Variants in FRAS1 observed in about 807,000 individuals in gnomAD.
FRAS1 encodes the protein extracellular matrix organizing protein FRAS1.
A neutral mutation model predicts 435.2 loss-of-function variants in FRAS1; 290 were observed. The ratio of observed to expected loss-of-function variants is 0.67; its 90% confidence interval spans 0.61 to 0.73. The LOEUF (loss-of-function observed/expected upper bound fraction) is 0.73. Among genes scored for constraint, FRAS1 ranks in the 30% least tolerant of loss-of-function variants. The probability of loss-of-function intolerance (pLI) is 0.00; values close to 1 mark genes in which losing one functional copy is unlikely to be tolerated. For synonymous variants in FRAS1, 1,800 were observed against 1,851.0 expected (o/e 0.97, Z 0.71); for missense variants, 4,860 against 5,001.5 (o/e 0.97, Z 0.85).
In FRAS1 at chr4:78,334,913, C is replaced by T. The variant is rs538797229; in HGVS notation, c.2278+1501C>T. Among the ~76,000 whole-genome samples, 6 of 152,110 alleles carry T rather than the reference C, an allele frequency of 3.9e-5. No individual in the cohort carries two copies. In the South Asian group the frequency reaches 1.0e-3, roughly 26 times the overall value. On this transcript the variant is annotated intron_variant, in intron 19 of 73. Coordinates refer to ENST00000512123, the MANE Select transcript of FRAS1 (RefSeq NM_025074.7). ...AGCTGGAACTATAGGCATACACCAC[C>T]ATGCCCAAGTAATTTTTTTTAAATT...
intron 2 of FRAS1, among the ~76,000 whole-genome samples, chr4:78,111,617 G>T (rs978453038): frequency 9.6e-6 from 1 of 104,530 alleles, no homozygotes; most frequent in Non-Finnish European, 1.9e-5. Context: ...TCGGGGGAGG[G>T]GGGAGGGATA....
Position 78,379,722 on chromosome 4 carries a change from T to G in FRAS1, c.3293-4T>G. The G allele has an allele frequency of 6.2e-7, 1 of 1,604,614 alleles. No individual in the cohort carries two copies. Among genetic ancestry groups the G allele is most frequent in the Non-Finnish European group, 8.5e-7 (1 of 1,177,764 alleles). On this transcript the variant is annotated splice_polypyrimidine_tract_variant and splice_region_variant and intron_variant, in intron 26 of 73. Transcript: ENST00000512123. ...CTTGACCTTTGGATTCATATGTTTT[T>G]CAGGCAAAATACACACCCCTAGTCT...
intron 2 of FRAS1, among the ~76,000 whole-genome samples, chr4:78,229,291 G>A (rs952956617): frequency 3.3e-5 from 5 of 151,410 alleles, no homozygotes; most frequent in African/African-American, 4.8e-5. Flanking sequence ...ACCCAGAGGT[G>A]CCCTCTTTGT....
Position 78,357,817 on chromosome 4 carries a change from C to T in FRAS1, c.2423-5696C>T, listed in dbSNP as rs577919199. Among the ~76,000 whole-genome samples the T allele has an allele frequency of 2.3e-3, 351 of 152,228 alleles. 3 individuals are homozygous for T. The highest frequency in any genetic ancestry group is 7.7e-3 in the African/African-American group (319 of 41,526). On this transcript the variant is annotated intron_variant, in intron 20 of 73. Coordinates refer to ENST00000512123, the MANE Select transcript of FRAS1 (RefSeq NM_025074.7). ...ACTCAAGAGAATGAAGCAGGAGGATCCTGGAGCCCCGAGTTCAAGGTTTCA... is the reference window on the plus strand; with the variant it reads ...ACTCAAGAGAATGAAGCAGGAGGATTCTGGAGCCCCGAGTTCAAGGTTTCA...
Position 78,281,403 on chromosome 4 carries a change from A to G in FRAS1, c.1077A>G (p.Ser359=). ...CVYEETGEFM[S]SNASEVKRIP... is the part of the protein sequence containing the mutation. ...ACATTTCTCTTTGTTCCTAGATGTC[A>G]TCAAATGCTAGTGAAGTTAAACGTA... Residue 359 remains serine (S), a synonymous_variant, in exon 11 of 74, where the codon TCA becomes TCG. Transcript: ENST00000512123. The G allele has an allele frequency of 6.3e-7, 1 of 1,575,564 alleles. No individual in the cohort carries two copies. The highest frequency in any genetic ancestry group is 8.6e-7 in the Non-Finnish European group (1 of 1,160,766).
chr4:78,245,965 A>T (rs1725223134), intron 4 of FRAS1, among the ~76,000 whole-genome samples: 1 of 152,164 alleles, frequency 6.6e-6, no homozygotes, highest in South Asian at 2.1e-4. Context: ...GACATGGCCA[A>T]ATTTCCCTTG....
In FRAS1 at chr4:78,265,117, T is replaced by C. The variant is rs750751078; in HGVS notation, c.687+9T>C. On this transcript the variant is annotated intron_variant, in intron 7 of 73. Transcript: ENST00000512123. ...CTGGCCAAGTATACGAGGTAAGCTT[T>C]CATGCTCCCCATGTAGGTGTTTTGA... 2 of 1,599,800 alleles carry C rather than the reference T, an allele frequency of 1.3e-6. No individual in the cohort carries two copies. The highest frequency in any genetic ancestry group is 1.7e-6 in the Non-Finnish European group (2 of 1,168,966).
intron 2 of FRAS1, among the ~76,000 whole-genome samples, chr4:78,078,452 GA>G: frequency 6.6e-6 from 1 of 152,162 alleles, no homozygotes; most frequent in East Asian, 1.9e-4. Context: ...ACCTTGGTAA[GA>G]ATAAAACCAA....
intron 31 of FRAS1, among the ~76,000 whole-genome samples, chr4:78,409,649 A>G (rs1733257061): frequency 6.6e-6 from 1 of 152,230 alleles, no homozygotes; most frequent in South Asian, 2.1e-4. Context: ...TCATACAGAA[A>G]TACAAAAGAA....
intron 50 of FRAS1, among the ~76,000 whole-genome samples, chr4:78,468,485 A>ACATCAT (rs11267487): frequency 0.013 from 1,902 of 150,236 alleles, 49 homozygotes; most frequent in African/African-American, 0.043. Flanking sequence ...GAAGCTGTAA[A>ACATCAT]CATCATCATC....
Position 78,515,800 on chromosome 4 carries a change from G to A in FRAS1, c.10176G>A (p.Glu3392=), listed in dbSNP as rs767886955. Residue 3392 remains glutamate (E), a splice_region_variant and synonymous_variant, in exon 66 of 74, where the codon GAG becomes GAA. Coordinates refer to ENST00000512123, the MANE Select transcript of FRAS1 (RefSeq NM_025074.7). ...TCCTTGTTCTTCCCTCCCTGGCAGA[G>A]GCAGGGTTCCTGGATGATGTGGTCT... ...VTTYDLRGIS[E]AGFLDDVVYD... The A allele has an allele frequency of 5.6e-6, 9 of 1,613,452 alleles. No homozygotes were observed. In the Admixed American group the frequency reaches 6.7e-5, roughly 12 times the overall value.
chr4:78,511,408 C>A lies in FRAS1; in HGVS notation c.9915C>A (p.His3305Gln), dbSNP rs766022743. 3.1e-6 allele frequency: 5 copies of A among 1,613,960 alleles called. No individual in the cohort carries two copies. The South Asian group carries it at 5.5e-5, about 18-fold the overall frequency. The change falls in exon 64 of 74, where the codon CAC becomes CAA. Residue 3305 changes from histidine to glutamine, a missense_variant. Physicochemically the swap from His to Gln is conservative, Grantham distance 24. Transcript: ENST00000512123. The part of the protein sequence containing the change: ...VTIGTDSAIC[H>Q]TPVVAGTSRG... ...TTGGAACAGACAGTGCTATCTGCCACACACCAGTGGTGGCTGGGACATCCA... is the reference window on the plus strand; with the variant it reads ...TTGGAACAGACAGTGCTATCTGCCAAACACCAGTGGTGGCTGGGACATCCA...
At chr4:78,190,382 T>C (rs1338576486) in intron 2 of FRAS1, among the ~76,000 whole-genome samples, 1 of 152,094 alleles carries the variant, frequency 6.6e-6, no homozygotes, top group African/African-American at 2.4e-5. Context: ...AGAGAGGCCT[T>C]CCCTGTCTAT....
chr4:78,327,963 C>T (rs756897093), intron 18 of FRAS1, among the ~76,000 whole-genome samples: 3 of 152,136 alleles, frequency 2.0e-5, no homozygotes, highest in Non-Finnish European at 2.9e-5. Context: ...TGTCATCCAG[C>T]GTATTCTTTT....
At chr4:78,147,869 T>A (rs1283519506) in intron 2 of FRAS1, among the ~76,000 whole-genome samples, 2 of 152,192 alleles carry the variant, frequency 1.3e-5, no homozygotes, top group Non-Finnish European at 2.9e-5. Context: ...GTTGGAACAT[T>A]TGTGCTCAGT....
chr4:78,418,386 G>A (rs1733633191), intron 32 of FRAS1, among the ~76,000 whole-genome samples: 1 of 152,210 alleles, frequency 6.6e-6, no homozygotes, highest in African/African-American at 2.4e-5. Flanking sequence ...GGGACCTGGG[G>A]GACAATGCTC....
intron 14 of FRAS1, among the ~76,000 whole-genome samples, chr4:78,300,964 G>A (rs1203146249): frequency 2.6e-5 from 4 of 152,132 alleles, no homozygotes; most frequent in African/African-American, 9.7e-5. Flanking sequence ...GCCCTTTTTA[G>A]CACTTATTGC....
chr4:78,473,694 T>G (rs980690378), intron 53 of FRAS1, 97 bp downstream of exon 53: 25 of 771,126 alleles, frequency 3.2e-5, no homozygotes, highest in Non-Finnish European at 4.9e-5. Flanking sequence ...AGTCACCTCT[T>G]GATGGCGGTG....
intron 2 of FRAS1, among the ~76,000 whole-genome samples, chr4:78,114,386 T>G (rs912475865): frequency 1.4e-4 from 22 of 152,214 alleles, no homozygotes; most frequent in African/African-American, 5.1e-4. Flanking sequence ...GGTAGGTTGA[T>G]GGGGATGGCT....
Sources: allele counts gnomAD v4.1 joint callset (sites outside exome capture counted in the v4.1 genomes callset), GRCh38; gene constraint gnomAD v4.1.1; transcripts MANE v1.5; gene names NCBI Gene and HGNC (gene_info 2026-07-23, HGNC 2026-07-21).